Variants in PTK2B observed in about 807,000 individuals in gnomAD.
The protein encoded by PTK2B is protein-tyrosine kinase 2-beta.
Under a neutral mutation model 142.9 loss-of-function variants are expected in PTK2B, and 71 were observed. The ratio of observed to expected loss-of-function variants is 0.50; its 90% CI spans 0.41 to 0.61. The LOEUF is 0.61. PTK2B is among the 20% of genes least tolerant of loss of function. The probability of loss-of-function intolerance (pLI) is 0.00; values close to 1 mark genes in which losing one functional copy is unlikely to be tolerated. For synonymous variants in PTK2B, 519 were observed against 503.4 expected, an observed-to-expected ratio of 1.03 and a Z score of -0.42; for missense variants, 1,105 against 1,320.4, an observed-to-expected ratio of 0.84 and a Z score of 2.53.
intron 1 of PTK2B, among the ~76,000 whole-genome samples, chr8:27,389,202 A>G (rs530292509): frequency 6.6e-6 from 1 of 152,052 alleles, no homozygotes; most frequent in African/African-American, 2.4e-5. Context: ...TCTTCTGTTT[A>G]TCTTCATAGC....
chr8:27,438,169 G>A (rs1479118862), intron 18 of PTK2B, among the ~76,000 whole-genome samples: 3 of 152,242 alleles, frequency 2.0e-5, no homozygotes, highest in Non-Finnish European at 4.4e-5. Flanking sequence ...CCAGGAAATC[G>A]CCCCCAACCT....
chr8:27,316,801 A>G (rs1303528574), intron 3 of PTK2B, among the ~76,000 whole-genome samples: 1 of 152,214 alleles, frequency 6.6e-6, no homozygotes, highest in Non-Finnish European at 1.5e-5. Flanking sequence ...AACTAGGGAA[A>G]CACTGAGGGT....
At chr8:27,328,563 C>G (rs1375421821) in intron 1 of PTK2B, among the ~76,000 whole-genome samples, 1 of 152,172 alleles carries the variant, frequency 6.6e-6, no homozygotes, top group Admixed American at 6.5e-5. Context: ...GTCCCCAGGC[C>G]CTTGGATTGT....
intron 1 of PTK2B, among the ~76,000 whole-genome samples, chr8:27,327,965 TG>T (rs1377375311): frequency 6.6e-6 from 1 of 152,198 alleles, no homozygotes; most frequent in African/African-American, 2.4e-5. Context: ...ACAGAGTGCT[TG>T]GGTTCATTTA....
intron 7 of PTK2B, 31 bp from the exon 8 acceptor site, chr8:27,430,845 C>T: frequency 6.2e-7 from 1 of 1,607,990 alleles, no homozygotes; most frequent in Non-Finnish European, 8.5e-7. Flanking sequence ...GAGGAGCAGG[C>T]ATTGCTCACA....
chr8:27,346,687 G>A (rs1289485697), intron 1 of PTK2B, among the ~76,000 whole-genome samples: 1 of 152,214 alleles, frequency 6.6e-6, no homozygotes, highest in Non-Finnish European at 1.5e-5. Context: ...ATTATTTGAG[G>A]GAAAAGTGGG....
intron 1 of PTK2B, among the ~76,000 whole-genome samples, chr8:27,342,440 T>C (rs943329077): frequency 6.6e-6 from 1 of 152,106 alleles, no homozygotes; most frequent in African/African-American, 2.4e-5. Context: ...GCCTGCTTTG[T>C]TCTTAATGCT....
At chr8:27,341,875 T>G (rs550044773) in intron 1 of PTK2B, among the ~76,000 whole-genome samples, 39 of 152,248 alleles carry the variant, frequency 2.6e-4, no homozygotes, top group South Asian at 2.1e-3. Flanking sequence ...GGAGTCTTGC[T>G]CTGTTGCCCA....
In PTK2B at chr8:27,432,565, A is replaced by G. The variant is rs959253996; in HGVS notation, c.987+204A>G. On this transcript the variant is annotated intron_variant, in intron 10 of 30. Transcript: ENST00000346049. The stretch of plus-strand genomic sequence containing the variant: ...AAATTGTAGGAAAATTCGGGAAACA[A>G]TTTTTTTAATGTCAGGAGAAGAAAT... 2.0e-5 allele frequency among the ~76,000 whole-genome samples: 3 copies of G among 152,242 alleles called. No individual in the cohort carries two copies. The South Asian group carries it at 6.2e-4, about 32-fold the overall frequency.
chr8:27,367,991 A>G (rs1806121006), intron 1 of PTK2B, among the ~76,000 whole-genome samples: 1 of 152,244 alleles, frequency 6.6e-6, no homozygotes, highest in Admixed American at 6.5e-5. Context: ...CACAAGAGCC[A>G]GGGGACAAAG....
chr8:27,377,250 C>G (rs1324829530), intron 1 of PTK2B, among the ~76,000 whole-genome samples: 1 of 152,106 alleles, frequency 6.6e-6, no homozygotes, highest in Non-Finnish European at 1.5e-5. Context: ...TTGAAGGAAC[C>G]AGAGGAACTT....
intron 1 of PTK2B, among the ~76,000 whole-genome samples, chr8:27,377,892 T>A (rs1471419380): frequency 6.6e-6 from 1 of 152,144 alleles, no homozygotes; most frequent in Admixed American, 6.5e-5. Flanking sequence ...TACTTAACAC[T>A]ATTCCTGGCA....
intron 1 of PTK2B, among the ~76,000 whole-genome samples, chr8:27,343,523 C>CT (rs576184415): frequency 1.1e-4 from 17 of 152,242 alleles, no homozygotes; most frequent in African/African-American, 4.1e-4. Context: ...AATGACTGCC[C>CT]TTTTATGCTT....
chr8:27,436,109 C>T (rs1586320700), intron 14 of PTK2B, 142 bp from the exon 15 acceptor site: 10 of 813,854 alleles, frequency 1.2e-5, no homozygotes, highest in Non-Finnish European at 2.0e-5. Context: ...TCTAGACCCC[C>T]ATTTCCCCAG....
chr8:27,457,975 C>CAAAAAAAAAAAAAAAAAAAAAAAAAAA (rs11317355), intron 30 of PTK2B, among the ~76,000 whole-genome samples: 1 of 94,046 alleles, frequency 1.1e-5, no homozygotes, highest in Admixed American at 1.1e-4. Context: ...AACTCAGTCT[C>CAAAAAAAAAAAAAAAAAAAAAAAAAAA]AAAAAAAAAA....
At chr8:27,341,281 C>T (rs1804383177) in intron 1 of PTK2B, among the ~76,000 whole-genome samples, 1 of 152,178 alleles carries the variant, frequency 6.6e-6, no homozygotes, top group Non-Finnish European at 1.5e-5. Context: ...AGGCGGGCCC[C>T]CGTCTCGTGC....
intron 5 of PTK2B, among the ~76,000 whole-genome samples, chr8:27,427,675 T>C (rs770994256): frequency 9.9e-5 from 15 of 152,160 alleles, no homozygotes; most frequent in Non-Finnish European, 1.8e-4. Context: ...CTTATTAATG[T>C]GGAGGCTGAG....
chr8:27,405,035 C>CTCTCTCT (rs3076735), intron 2 of PTK2B, among the ~76,000 whole-genome samples: 5 of 119,572 alleles, frequency 4.2e-5, no homozygotes, highest in African/African-American at 6.9e-5. Flanking sequence ...TCTTTCTCTT[C>CTCTCTCT]CTCTCTCTCT....
In PTK2B at chr8:27,457,090, C is replaced by T. The variant is rs571523219; in HGVS notation, c.2815-1204C>T. On this transcript the variant is annotated intron_variant, in intron 30 of 30. Transcript: ENST00000346049. Reference sequence around the variant, plus strand: ...AAGATCATTGATGAAGATGGCTCCACTAAACCACAGATTTTTCAATGTAGA... The same window carrying T: ...AAGATCATTGATGAAGATGGCTCCATTAAACCACAGATTTTTCAATGTAGA... 4.6e-5 allele frequency among the ~76,000 whole-genome samples: 7 copies of T among 152,322 alleles called. No homozygotes were observed. In the East Asian group the frequency reaches 1.3e-3, roughly 29 times the overall value.
Sources: gnomAD v4.1 joint callset for allele counts (sites outside exome capture counted in the v4.1 genomes callset) on GRCh38, gnomAD v4.1.1 for gene constraint, MANE v1.5 for transcripts, NCBI Gene and HGNC (gene_info 2026-07-23, HGNC 2026-07-21) for gene names.